TMEM135: variants seen among roughly 807,000 people sequenced by gnomAD.
The protein encoded by TMEM135 is transmembrane protein 135.
TMEM135 carries 30 observed loss-of-function variants against 60.3 expected under a neutral mutation model. The observed-to-expected ratio is 0.50, with a 90% CI of 0.37 to 0.68. The LOEUF is 0.68. TMEM135 is among the 30% of genes least tolerant of loss of function. The pLI is 0.00. For synonymous variants in TMEM135, 190 were observed against 186.7 expected (o/e 1.02, Z -0.14); for missense variants, 468 against 548.8 (o/e 0.85, Z 1.47).
intron 8 of TMEM135, among the ~76,000 whole-genome samples, chr11:87,305,106 T>G (rs1029300675): frequency 9.2e-5 from 14 of 152,210 alleles, no homozygotes; most frequent in Non-Finnish European, 1.9e-4. Context: ...TGAATTCTAA[T>G]ACTATATCAT....
intron 8 of TMEM135, among the ~76,000 whole-genome samples, chr11:87,304,217 A>T (rs1176554105): frequency 6.6e-6 from 1 of 152,126 alleles, no homozygotes; most frequent in Non-Finnish European, 1.5e-5. Flanking sequence ...AAAAAAATTT[A>T]AAAATTAGCT....
intron 4 of TMEM135, among the ~76,000 whole-genome samples, chr11:87,144,911 G>T (rs1283945095): frequency 6.6e-6 from 1 of 152,050 alleles, no homozygotes; most frequent in Admixed American, 6.6e-5. Flanking sequence ...ATTAAATCAA[G>T]CTAGGTAACA....
At chr11:87,102,719 T>C (rs997340649) in intron 4 of TMEM135, among the ~76,000 whole-genome samples, 3 of 128,132 alleles carry the variant, frequency 2.3e-5, no homozygotes, top group African/African-American at 5.7e-5. Flanking sequence ...TATATGTATA[T>C]ATATATATGT....
chr11:87,174,131 A>T (rs1939311560), intron 5 of TMEM135, among the ~76,000 whole-genome samples: 1 of 152,178 alleles, frequency 6.6e-6, no homozygotes, highest in Admixed American at 6.6e-5. Flanking sequence ...AGTTGAGCAG[A>T]AGTCCCACTG....
chr11:87,106,382 G>A (rs746743354), intron 4 of TMEM135, among the ~76,000 whole-genome samples: 2 of 152,114 alleles, frequency 1.3e-5, no homozygotes, highest in African/African-American at 2.4e-5. Flanking sequence ...GGGATTACAA[G>A]CATGAGCCAC....
chr11:87,254,368 A>G (rs1257858844), intron 6 of TMEM135, among the ~76,000 whole-genome samples: 2 of 152,182 alleles, frequency 1.3e-5, no homozygotes, highest in East Asian at 3.8e-4. Context: ...TAGAAATTGT[A>G]CAGTCTTCAA....
intron 4 of TMEM135, among the ~76,000 whole-genome samples, chr11:87,108,085 C>T (rs1262106450): frequency 6.6e-6 from 1 of 152,152 alleles, no homozygotes; most frequent in African/African-American, 2.4e-5. Context: ...TGTTCATATC[C>T]TTTGCCCACT....
chr11:87,233,563 T>A (rs530491552), intron 5 of TMEM135, among the ~76,000 whole-genome samples: 1 of 152,256 alleles, frequency 6.6e-6, no homozygotes, highest in African/African-American at 2.4e-5. Context: ...TTGAAACTTA[T>A]GAAATTGTAC....
At chr11:87,292,514 C>G (rs1942283957) in intron 6 of TMEM135, among the ~76,000 whole-genome samples, 1 of 152,144 alleles carries the variant, frequency 6.6e-6, no homozygotes, top group Non-Finnish European at 1.5e-5. Flanking sequence ...GAGGAACCTT[C>G]AAATGGAGTC....
At chr11:87,114,443 C>T (rs769384896) in intron 4 of TMEM135, among the ~76,000 whole-genome samples, 22 of 151,942 alleles carry the variant, frequency 1.4e-4, no homozygotes, top group African/African-American at 2.9e-4. Context: ...TTACAAGCTC[C>T]GTAAAAAACA....
chr11:87,101,285 G>C (rs528620002), intron 4 of TMEM135, among the ~76,000 whole-genome samples: 1 of 152,264 alleles, frequency 6.6e-6, no homozygotes, highest in East Asian at 1.9e-4. Flanking sequence ...CTTTGCCACA[G>C]TATGATTTAA....
intron 5 of TMEM135, among the ~76,000 whole-genome samples, chr11:87,206,258 G>A (rs755057939): frequency 6.6e-6 from 1 of 152,106 alleles, no homozygotes; most frequent in African/African-American, 2.4e-5. Flanking sequence ...TGTGATTAAT[G>A]TTCAATAATA....
At chr11:87,307,048 C>G (rs765789249) in intron 9 of TMEM135, among the ~76,000 whole-genome samples, 10 of 152,052 alleles carry the variant, frequency 6.6e-5, no homozygotes, top group Admixed American at 6.6e-4. Flanking sequence ...GGTGCTCTAA[C>G]AGTTCCAATG....
chr11:87,314,386 A>G (rs756571924), intron 11 of TMEM135, 85 bp from the exon 12 acceptor site: 24 of 1,146,510 alleles, frequency 2.1e-5, no homozygotes, highest in East Asian at 5.0e-5. Flanking sequence ...TGCTGATTCT[A>G]TGTAAGTGAA....
intron 4 of TMEM135, among the ~76,000 whole-genome samples, chr11:87,126,933 G>A (rs938542957): frequency 1.3e-5 from 2 of 152,052 alleles, no homozygotes; most frequent in African/African-American, 4.8e-5. Context: ...TGGAATTAGG[G>A]GGAATGATTA....
At chr11:87,109,354 C>T (rs1292778826) in intron 4 of TMEM135, among the ~76,000 whole-genome samples, 1 of 151,988 alleles carries the variant, frequency 6.6e-6, no homozygotes, top group African/African-American at 2.4e-5. Flanking sequence ...AAATTTGGCA[C>T]AGTAAAAGAT....
In TMEM135 at chr11:87,305,823, C is replaced by G. The variant is rs528882942; in HGVS notation, c.699-113C>G. 9.2e-5 allele frequency: 45 copies of G among 486,968 alleles called. No homozygotes were observed. The African/African-American group carries it at 9.3e-4, about 10-fold the overall frequency. The allele number at this position is 486,968 out of a possible 1,614,324, so 30.2% of individuals were successfully genotyped here. Reference sequence around the variant, plus strand: ...AATAAATAAAGTGATGTTTTCTTCTCTCTCTTTTTTTTTTTGGTTAGAAAG... The same window carrying G: ...AATAAATAAAGTGATGTTTTCTTCTGTCTCTTTTTTTTTTTGGTTAGAAAG... On this transcript the variant is annotated intron_variant, in intron 8 of 14. Transcript: ENST00000305494.
At chr11:87,158,759 C>T (rs914218136) in intron 5 of TMEM135, among the ~76,000 whole-genome samples, 1 of 152,114 alleles carries the variant, frequency 6.6e-6, no homozygotes, top group South Asian at 2.1e-4. Flanking sequence ...CCACCGCGCC[C>T]GGCCTAACCT....
At chr11:87,220,990 G>A (rs989971382) in intron 5 of TMEM135, among the ~76,000 whole-genome samples, 3 of 152,020 alleles carry the variant, frequency 2.0e-5, no homozygotes, top group Non-Finnish European at 4.4e-5. Flanking sequence ...GCTAAACCTC[G>A]TTGCTATGCT....
Sources: gnomAD v4.1 joint callset for allele counts (sites outside exome capture counted in the v4.1 genomes callset) on GRCh38, gnomAD v4.1.1 for gene constraint, MANE v1.5 for transcripts, NCBI Gene and HGNC (gene_info 2026-07-23, HGNC 2026-07-21) for gene names.